ADCY8: variants seen among roughly 807,000 people sequenced by gnomAD.
ADCY8 encodes the protein adenylate cyclase 8, also known as adenylate cyclase type 8.
ADCY8 carries 51 observed loss-of-function variants against 119.7 expected under a neutral mutation model. That is an observed-to-expected ratio of 0.43 (90% CI 0.34 to 0.54). The LOEUF is 0.54. Among genes scored for constraint, ADCY8 ranks in the 20% least tolerant of loss-of-function variants. ADCY8 has a pLI of 0.03. For synonymous variants in ADCY8, 665 were observed against 651.0 expected, an observed-to-expected ratio of 1.02 and a Z score of -0.33; for missense variants, 1,383 against 1,598.8, an observed-to-expected ratio of 0.87 and a Z score of 2.30.
rs1418601428 is a variant in ADCY8 at position 130,800,442 on chromosome 8, A to G, written c.3044T>C (p.Ile1015Thr). 1.9e-6 allele frequency: 3 copies of G among 1,614,226 alleles called. No homozygotes were observed. Among genetic ancestry groups the G allele is most frequent in the Non-Finnish European group, 2.5e-6 (3 of 1,180,038 alleles). Residue 1015 changes from isoleucine (I) to threonine (T), a missense_variant, in exon 15 of 18, where the codon ATT becomes ACT. Ile to Thr is a moderately conservative substitution (Grantham distance 89). Coordinates refer to ENST00000286355, the MANE Select transcript of ADCY8 (RefSeq NM_001115.3). ...TAGATTTACCTCATCGAAGTCAGCA[A>G]TGATCTCATTGAGCAAGCGCAGGCA... is the stretch of plus-strand genomic sequence containing the variant. ...VECLRLLNEI[I>T]ADFDELLGED...
At chr8:130,791,750 A>G (rs975186789) in intron 15 of ADCY8, among the ~76,000 whole-genome samples, 7 of 152,014 alleles carry the variant, frequency 4.6e-5, no homozygotes, top group African/African-American at 1.4e-4. Context: ...GTGGGGAGGA[A>G]CTCTCAGTGC....
chr8:130,795,752 T>C (rs942869914), intron 15 of ADCY8, among the ~76,000 whole-genome samples: 7 of 152,080 alleles, frequency 4.6e-5, no homozygotes, highest in African/African-American at 7.2e-5. Context: ...TCTGGGAACA[T>C]GGAGAACACA....
At chr8:130,984,347 C>T (rs928664013) in intron 2 of ADCY8, among the ~76,000 whole-genome samples, 1 of 152,188 alleles carries the variant, frequency 6.6e-6, no homozygotes, top group African/African-American at 2.4e-5. Flanking sequence ...CATATGAATA[C>T]TGCTCTCTGG....
intron 9 of ADCY8, among the ~76,000 whole-genome samples, chr8:130,865,177 G>A (rs532662857): frequency 6.6e-6 from 1 of 152,174 alleles, no homozygotes; most frequent in African/African-American, 2.4e-5. Context: ...CCTTGTTGGT[G>A]TGACATTAAG....
intron 15 of ADCY8, among the ~76,000 whole-genome samples, chr8:130,798,551 A>C (rs1448506565): frequency 2.0e-5 from 3 of 152,132 alleles, no homozygotes; most frequent in Admixed American, 2.0e-4. Flanking sequence ...AGGGACAGTG[A>C]GTGCAAGACC....
At chr8:130,893,913 T>C (rs1448985635) in intron 7 of ADCY8, among the ~76,000 whole-genome samples, 1 of 152,026 alleles carries the variant, frequency 6.6e-6, no homozygotes, top group Non-Finnish European at 1.5e-5. Flanking sequence ...TGGTTGTGGT[T>C]GTGTTTTCTT....
At chr8:131,005,357 A>G (rs1823082708) in intron 1 of ADCY8, among the ~76,000 whole-genome samples, 1 of 152,210 alleles carries the variant, frequency 6.6e-6, no homozygotes, top group South Asian at 2.1e-4. Context: ...CCTCCATACT[A>G]AAGCACTGGG....
chr8:130,917,270 A>C lies in ADCY8; in HGVS notation c.1482-7404T>G, dbSNP rs577405678. Reference sequence around the variant, plus strand: ...AACAAGTGTCTGTTGAAGAACTCTAAAGATATAAGCAGTGACCCAAACAGA... The same window carrying C: ...AACAAGTGTCTGTTGAAGAACTCTACAGATATAAGCAGTGACCCAAACAGA... On this transcript the variant is annotated intron_variant, in intron 5 of 17. Transcript: ENST00000286355. 4.6e-5 allele frequency among the ~76,000 whole-genome samples: 7 copies of C among 152,268 alleles called. No homozygotes were observed. In the South Asian group the frequency reaches 1.5e-3, roughly 32 times the overall value.
chr8:130,788,185 C>G (rs147158324), intron 15 of ADCY8, among the ~76,000 whole-genome samples: 1 of 152,292 alleles, frequency 6.6e-6, no homozygotes, highest in Admixed American at 6.5e-5. Context: ...TGCAGACATT[C>G]CTTTGGCATA....
intron 9 of ADCY8, among the ~76,000 whole-genome samples, chr8:130,865,918 CA>C (rs1818102969): frequency 6.6e-6 from 1 of 152,106 alleles, no homozygotes; most frequent in Non-Finnish European, 1.5e-5. Context: ...TTGGATTGGG[CA>C]AACTCCTTCC....
At chr8:130,806,830 C>T (rs1815975042) in intron 14 of ADCY8, among the ~76,000 whole-genome samples, 2 of 152,088 alleles carry the variant, frequency 1.3e-5, no homozygotes, top group Non-Finnish European at 2.9e-5. Flanking sequence ...GATGAGCCCT[C>T]TCACCCGTGA....
intron 5 of ADCY8, among the ~76,000 whole-genome samples, chr8:130,927,316 G>T (rs1820501012): frequency 6.6e-6 from 1 of 151,988 alleles, no homozygotes; most frequent in Admixed American, 6.6e-5. Context: ...TCTCATTGTG[G>T]TTTTTATTTG....
intron 2 of ADCY8, among the ~76,000 whole-genome samples, chr8:130,956,337 G>A (rs935143175): frequency 6.6e-6 from 1 of 152,146 alleles, no homozygotes; most frequent in Admixed American, 6.5e-5. Context: ...GCTATTTATT[G>A]TGTTAAACTG....
intron 1 of ADCY8, among the ~76,000 whole-genome samples, chr8:131,004,334 C>T (rs1019834996): frequency 6.6e-6 from 1 of 152,138 alleles, no homozygotes; most frequent in African/African-American, 2.4e-5. Flanking sequence ...CTCACATGTA[C>T]CTCCCATTCC....
At position 130,943,353 on chromosome 8, in the gene ADCY8, G is replaced by C; in HGVS notation, c.1351C>G (p.His451Asp). ...GGAGGAAATTAAATTCAACTCACAT[G>C]GGCCAGTCGATCAAATCTGGCAAAG... ...ELFARFDRLA[H>D]EHHCLRIKIL... Residue 451 changes from histidine to aspartate, a missense_variant and splice_region_variant, in exon 4 of 18, where the codon CAT (histidine) becomes GAT (aspartate). By Grantham distance (81) the His-to-Asp change is moderately conservative (BLOSUM62 -1). Coordinates refer to ENST00000286355, the MANE Select transcript of ADCY8 (RefSeq NM_001115.3). 1.2e-6 allele frequency: 2 copies of C among 1,610,422 alleles called. No homozygotes were observed. Among genetic ancestry groups the C allele is most frequent in the Non-Finnish European group, 1.7e-6 (2 of 1,176,884 alleles).
intron 14 of ADCY8, among the ~76,000 whole-genome samples, chr8:130,804,838 C>A (rs1815892795): frequency 6.6e-6 from 1 of 152,186 alleles, no homozygotes; most frequent in African/African-American, 2.4e-5. Context: ...CCTCCACCTC[C>A]TGGGTTCAAG....
At chr8:130,858,787 T>C (rs928299090) in intron 9 of ADCY8, among the ~76,000 whole-genome samples, 1 of 152,186 alleles carries the variant, frequency 6.6e-6, no homozygotes, top group Non-Finnish European at 1.5e-5. Context: ...TATTGTGGAT[T>C]ATAAATAAAT....
intron 1 of ADCY8, among the ~76,000 whole-genome samples, chr8:131,031,781 A>ATT (rs755722140): frequency 3.3e-5 from 5 of 151,554 alleles, no homozygotes; most frequent in Non-Finnish European, 7.4e-5. Context: ...TAAATTTCTG[A>ATT]TTTTTTTTTA....
chr8:131,003,926 G>T (rs1823032859), intron 1 of ADCY8, among the ~76,000 whole-genome samples: 1 of 152,122 alleles, frequency 6.6e-6, no homozygotes, highest in Non-Finnish European at 1.5e-5. Context: ...TAACTATGTG[G>T]TTGGCTAAGC....
Sources: gnomAD v4.1 joint callset for allele counts (sites outside exome capture counted in the v4.1 genomes callset) on GRCh38, gnomAD v4.1.1 for gene constraint, MANE v1.5 for transcripts, NCBI Gene and HGNC (gene_info 2026-07-23, HGNC 2026-07-21) for gene names.